RPS6KA5: variants seen among roughly 807,000 people sequenced by gnomAD.
RPS6KA5 encodes ribosomal protein S6 kinase alpha-5.
In RPS6KA5, 27 loss-of-function variants were observed where a neutral mutation model predicts 85.5. The observed-to-expected ratio is 0.32, with a 90% CI of 0.23 to 0.44. The LOEUF (loss-of-function observed/expected upper bound fraction) is 0.44. Ranked by LOEUF, RPS6KA5 falls within the 20% of genes least tolerant of loss-of-function variation. RPS6KA5 has a pLI of 1.00. For missense variants in RPS6KA5, 811 were observed against 980.9 expected (o/e 0.83, Z 2.31); for synonymous variants, 334 against 348.2 (o/e 0.96, Z 0.46).
At chr14:90,958,721 C>A (rs969794818) in intron 3 of RPS6KA5, among the ~76,000 whole-genome samples, 1 of 152,046 alleles carries the variant, frequency 6.6e-6, no homozygotes, top group Non-Finnish European at 1.5e-5. Flanking sequence ...ATTGAAAAAA[C>A]AGACAAAAAT....
At chr14:90,880,413 A>G (rs1193065005) in intron 14 of RPS6KA5, among the ~76,000 whole-genome samples, 2 of 152,206 alleles carry the variant, frequency 1.3e-5, no homozygotes, top group East Asian at 1.9e-4. Context: ...TTAGCATAAT[A>G]TCCTCAATAA....
intron 1 of RPS6KA5, among the ~76,000 whole-genome samples, chr14:91,014,955 T>C (rs1434549283): frequency 1.3e-5 from 2 of 152,198 alleles, no homozygotes; most frequent in Non-Finnish European, 1.5e-5. Flanking sequence ...GAACACTAAT[T>C]TGTTGTAGTC....
intron 1 of RPS6KA5, among the ~76,000 whole-genome samples, chr14:91,005,469 C>T (rs2040978166): frequency 6.6e-6 from 1 of 152,170 alleles, no homozygotes; most frequent in Non-Finnish European, 1.5e-5. Context: ...AGTAAGTAAA[C>T]ACACATATGA....
chr14:90,892,548 T>C (rs2034622227), intron 13 of RPS6KA5, among the ~76,000 whole-genome samples: 3 of 152,138 alleles, frequency 2.0e-5, no homozygotes, highest in African/African-American at 7.2e-5. Flanking sequence ...TGAAACAAAT[T>C]GGATGTATGC....
rs1475346146 is a variant in RPS6KA5 at position 90,851,934 on chromosome 14, G to A, written c.*20140C>T. ...ACACAGCCTTCCCAATCATCTCACA[G>A]CGTTTATTTGAACAAAAAAGACAGA... On this transcript the variant is annotated 3_prime_UTR_variant, in exon 17 of 17. Transcript: ENST00000614987. 6.6e-6 allele frequency: 1 copy of A among 152,016 alleles called. No individual in the cohort carries two copies. The highest frequency in any genetic ancestry group is 1.9e-4 in the East Asian group (1 of 5,196). The allele number at this position is 152,016 out of a possible 1,614,324, so 9.4% of individuals were successfully genotyped here.
chr14:90,952,306 C>T (rs1467047351), intron 3 of RPS6KA5, among the ~76,000 whole-genome samples: 26 of 152,196 alleles, frequency 1.7e-4, no homozygotes, highest in Non-Finnish European at 2.9e-5. Flanking sequence ...CGTTTTGACT[C>T]CAGGAAAAGT....
intron 1 of RPS6KA5, among the ~76,000 whole-genome samples, chr14:91,013,350 A>G (rs2041340713): frequency 6.6e-6 from 1 of 152,234 alleles, no homozygotes; most frequent in Non-Finnish European, 1.5e-5. Flanking sequence ...GACCAAGTCC[A>G]AGGAACAAGC....
At chr14:90,936,572 CA>C (rs1463473237) in intron 5 of RPS6KA5, among the ~76,000 whole-genome samples, 1 of 151,838 alleles carries the variant, frequency 6.6e-6, no homozygotes, top group Non-Finnish European at 1.5e-5. Context: ...AATACAAAAA[CA>C]AAAAACCCAG....
intron 5 of RPS6KA5, among the ~76,000 whole-genome samples, chr14:90,934,240 T>G (rs1478950894): frequency 1.3e-5 from 2 of 152,188 alleles, no homozygotes; most frequent in Non-Finnish European, 2.9e-5. Flanking sequence ...TTCACTGAAT[T>G]AATGGAAAAA....
rs45617635 is a variant in RPS6KA5 at position 90,903,056 on chromosome 14, T to G, written c.958-87A>C. The G allele has an allele frequency of 4.8e-4, 537 of 1,126,304 alleles. 1 individual carries two copies. The highest frequency in any genetic ancestry group is 6.0e-4 in the Non-Finnish European group (468 of 774,878). 69.8% of individuals were successfully genotyped at this position (1,126,304 alleles called of 1,614,324 possible). The stretch of plus-strand genomic sequence containing the variant: ...AACAAAGATAAATTAGGATTTTGAC[T>G]GGTAGGGAGAGAGGATAAAAATAAG... On this transcript the variant is annotated intron_variant, in intron 8 of 16. Transcript: ENST00000614987.
chr14:90,915,831 AAAAT>A (rs1252338626), intron 7 of RPS6KA5, among the ~76,000 whole-genome samples: 2 of 151,448 alleles, frequency 1.3e-5, no homozygotes, highest in Admixed American at 6.6e-5. Context: ...ATAAATAAAT[AAAAT>A]AAATTTATAA....
rs187486045 is a variant in RPS6KA5 at position 90,924,875 on chromosome 14, A to C, written c.619-1679T>G. 3.7e-4 allele frequency among the ~76,000 whole-genome samples: 56 copies of C among 152,360 alleles called. 1 individual carries two copies. Among genetic ancestry groups the C allele is most frequent in the Non-Finnish European group, 6.8e-4 (46 of 68,030 alleles). ...TAAGTATTTCTCAATAAAGACTCTG[A>C]TGAAATAATTCCTAGCTTTTATTTG... On this transcript the variant is annotated intron_variant, in intron 5 of 16. Coordinates refer to ENST00000614987, the MANE Select transcript of RPS6KA5 (RefSeq NM_004755.4).
At chr14:91,057,209 T>TA (rs2043360268) in intron 1 of RPS6KA5, among the ~76,000 whole-genome samples, 1 of 152,092 alleles carries the variant, frequency 6.6e-6, no homozygotes, top group African/African-American at 2.4e-5. Context: ...GACATTTTCT[T>TA]AGACATACAT....
chr14:90,976,832 G>A (rs2039591542), intron 3 of RPS6KA5, among the ~76,000 whole-genome samples: 1 of 152,048 alleles, frequency 6.6e-6, no homozygotes, highest in African/African-American at 2.4e-5. Flanking sequence ...AGCATGAAGT[G>A]TAACATCATG....
rs564819014 is a variant in RPS6KA5 at position 90,969,109 on chromosome 14, G to A, written c.394+9197C>T. On this transcript the variant is annotated intron_variant, in intron 3 of 16. Transcript: ENST00000614987. The stretch of plus-strand genomic sequence containing the variant: ...TATGGAAAGGCAGGTAGAGAATGGA[G>A]GAGAGAAAAATAGCCTTTAAACCAG... Among the ~76,000 whole-genome samples the A allele has an allele frequency of 9.0e-4, 137 of 152,202 alleles. 1 individual carries two copies. The highest frequency in any genetic ancestry group is 3.3e-3 in the African/African-American group (136 of 41,536).
chr14:91,043,979 C>T (rs2042701293), intron 1 of RPS6KA5, among the ~76,000 whole-genome samples: 1 of 152,128 alleles, frequency 6.6e-6, no homozygotes, highest in Admixed American at 6.6e-5. Context: ...GTAATACCAG[C>T]ACTTTTGGCG....
chr14:91,042,873 C>T lies in RPS6KA5; in HGVS notation c.103+17459G>A, dbSNP rs184963597. On this transcript the variant is annotated intron_variant, in intron 1 of 16. Transcript: ENST00000614987. Reference sequence around the variant, plus strand: ...GGTCCAGCCTAGTAATACTTAAGCACGCTCTACCATCACTCATCTTAAAAC... The same window carrying T: ...GGTCCAGCCTAGTAATACTTAAGCATGCTCTACCATCACTCATCTTAAAAC... Among the ~76,000 whole-genome samples the T allele has an allele frequency of 7.2e-5, 11 of 152,180 alleles. No individual in the cohort carries two copies. The East Asian group carries it at 1.4e-3, about 19-fold the overall frequency.
intron 1 of RPS6KA5, among the ~76,000 whole-genome samples, chr14:91,006,051 CT>C (rs1365291655): frequency 6.6e-6 from 1 of 152,168 alleles, no homozygotes; most frequent in Non-Finnish European, 1.5e-5. Flanking sequence ...GAAAAAAGGA[CT>C]TTTGCTCCTT....
At chr14:90,964,229 G>A (rs978148643) in intron 3 of RPS6KA5, among the ~76,000 whole-genome samples, 2 of 152,150 alleles carry the variant, frequency 1.3e-5, no homozygotes, top group Non-Finnish European at 2.9e-5. Flanking sequence ...CAATCAAGTC[G>A]CATGGCTCCT....
Sources: allele counts gnomAD v4.1 joint callset (sites outside exome capture counted in the v4.1 genomes callset), GRCh38; gene constraint gnomAD v4.1.1; transcripts MANE v1.5; gene names NCBI Gene and HGNC (gene_info 2026-07-23, HGNC 2026-07-21).